Variants in SNPH observed in about 807,000 individuals in gnomAD.
The protein encoded by SNPH is syntaphilin.
Under a neutral mutation model 36.8 loss-of-function variants are expected in SNPH, and 10 were observed. That is an observed-to-expected ratio of 0.27 (90% confidence interval 0.17 to 0.46). SNPH has a LOEUF of 0.46. Ranked by LOEUF, SNPH falls within the 20% of genes least tolerant of loss-of-function variation. The pLI is 1.00. For missense variants in SNPH, 622 were observed against 744.0 expected, an observed-to-expected ratio of 0.84 and a Z score of 1.91; for synonymous variants, 281 against 312.2, an observed-to-expected ratio of 0.90 and a Z score of 1.05.
At position 1,296,437 on chromosome 20, in the gene SNPH, G is replaced by A. The variant is rs775005110; in HGVS notation, c.182+16G>A. 21 of 1,583,436 alleles carry A rather than the reference G, an allele frequency of 1.3e-5. 1 individual carries two copies. Among genetic ancestry groups the A allele is most frequent in the African/African-American group, 4.1e-5 (3 of 72,720 alleles). On this transcript the variant is annotated intron_variant, in intron 4 of 6. Coordinates refer to ENST00000381867, the MANE Select transcript of SNPH (RefSeq NM_001318234.2). Reference sequence around the variant, plus strand: ...GATCACGCAGGTGAGTCTCCCCCTCGCTCACAGCCTAGGCTTCGGAGGGCG... The same window carrying A: ...GATCACGCAGGTGAGTCTCCCCCTCACTCACAGCCTAGGCTTCGGAGGGCG...
In SNPH at chr20:1,266,378, A is replaced by C; in HGVS notation, c.-619A>C. The C allele has an allele frequency of 5.8e-6, 2 of 343,618 alleles. No individual in the cohort carries two copies. Among genetic ancestry groups the C allele is most frequent in the Non-Finnish European group, 1.0e-5 (2 of 191,572 alleles). 21.3% of individuals were successfully genotyped at this position (343,618 alleles called of 1,614,324 possible). ...TCGGCGGCCCCTGCAGGGCAGCTGA[A>C]GCCATGGAAGCCTCCGCAGGTGATG... is the stretch of plus-strand genomic sequence containing the variant. On this transcript the variant is annotated 5_prime_UTR_variant, in exon 1 of 7. Transcript: ENST00000381867. The surrounding 1 kb of genome is among the most constrained non-coding windows in gnomAD (Gnocchi z 6.0).
intron 2 of SNPH, among the ~76,000 whole-genome samples, chr20:1,279,574 A>T (rs2088190359): frequency 6.7e-6 from 1 of 150,128 alleles, no homozygotes; most frequent in South Asian, 2.1e-4. Flanking sequence ...AGTGAGTGAG[A>T]GAGACACTGA....
chr20:1,287,724 A>T (rs1301293858), intron 2 of SNPH, among the ~76,000 whole-genome samples: 1 of 152,200 alleles, frequency 6.6e-6, no homozygotes, highest in African/African-American at 2.4e-5. Flanking sequence ...ATCTGGAAAA[A>T]ATGAGAATTT....
chr20:1,277,729 T>A (rs1229292101), intron 2 of SNPH, among the ~76,000 whole-genome samples: 1 of 148,904 alleles, frequency 6.7e-6, no homozygotes, highest in Non-Finnish European at 1.5e-5. Context: ...TGTGTGTGTA[T>A]CTGTGTGTGT....
rs1007904826 is a variant in SNPH at position 1,266,730 on chromosome 20, C to T, written c.-523C>T. 2 of 1,404,690 alleles carry T rather than the reference C, an allele frequency of 1.4e-6. No individual in the cohort carries two copies. The highest frequency in any genetic ancestry group is 1.5e-5 in the African/African-American group (1 of 65,750). 87.0% of individuals were successfully genotyped at this position (1,404,690 alleles called of 1,614,324 possible). ...CAAGCCGGGCCGGAGTGGTGCGAGC[C>T]GGCGGGGCTGCGGAGGGCCAGTGGA... On this transcript the variant is annotated 5_prime_UTR_variant, in exon 2 of 7. Coordinates refer to ENST00000381867, the MANE Select transcript of SNPH (RefSeq NM_001318234.2). The surrounding 1 kb of genome is among the most constrained non-coding windows in gnomAD (Gnocchi z 6.0).
Position 1,297,195 on chromosome 20 carries a change from T to C in SNPH, c.233T>C (p.Leu78Pro). 3.1e-6 allele frequency: 5 copies of C among 1,613,838 alleles called. No homozygotes were observed. The highest frequency in any genetic ancestry group is 4.2e-6 in the Non-Finnish European group (5 of 1,179,950). The change falls in exon 5 of 7, where the codon CTC becomes CCC. Residue 78 changes from leucine (L) to proline (P), a missense_variant. Physicochemically the swap from Leu to Pro is moderately conservative, Grantham distance 98. Coordinates refer to ENST00000381867, the MANE Select transcript of SNPH (RefSeq NM_001318234.2). ...CGGGATGCCTACGGCACCTCTTCGC[T>C]CAGCAGCAGCAGCAATTCTGGCTCC... ...SVRDAYGTSS[L>P]SSSSNSGSYK...
rs376198599 is a variant in SNPH at position 1,275,936 on chromosome 20, C to A, written c.-493+9176C>A. Among the ~76,000 whole-genome samples the A allele has an allele frequency of 1.3e-4, 20 of 152,212 alleles. No homozygotes were observed. The East Asian group carries it at 3.7e-3, about 28-fold the overall frequency. ...TGAAATTTTCTTCCTACTACTACTG[C>A]TATCTCCTCATGTTCAGATCTGTCT... On this transcript the variant is annotated intron_variant, in intron 2 of 6. Transcript: ENST00000381867.
At chr20:1,287,618 G>A in intron 2 of SNPH, among the ~76,000 whole-genome samples, 1 of 152,286 alleles carries the variant, frequency 6.6e-6, no homozygotes, top group Admixed American at 6.5e-5. Flanking sequence ...TTCTGATTCT[G>A]AGAGTGTGTT....
At position 1,287,106 on chromosome 20, in the gene SNPH, T is replaced by G. The variant is rs906978566; in HGVS notation, c.-492-7845T>G. Among the ~76,000 whole-genome samples the G allele has an allele frequency of 1.2e-4, 18 of 152,122 alleles. No individual in the cohort carries two copies. The East Asian group carries it at 3.5e-3, about 29-fold the overall frequency. The stretch of plus-strand genomic sequence containing the variant: ...CATTCCTTTTAGGGAGATCTTTATT[T>G]CTCCCAAAGAACCAATTTTCTTCCT... On this transcript the variant is annotated intron_variant, in intron 2 of 6. Coordinates refer to ENST00000381867, the MANE Select transcript of SNPH (RefSeq NM_001318234.2).
intron 2 of SNPH, among the ~76,000 whole-genome samples, chr20:1,268,676 C>T (rs757754890): frequency 4.0e-5 from 6 of 150,672 alleles, no homozygotes; most frequent in Admixed American, 3.3e-4. Flanking sequence ...CTATCTCCAG[C>T]CTCTGGCCCA....
chr20:1,284,015 G>A (rs745875614), intron 2 of SNPH, among the ~76,000 whole-genome samples: 29 of 152,174 alleles, frequency 1.9e-4, no homozygotes, highest in Non-Finnish European at 7.3e-5. Context: ...CGTTGTCATG[G>A]CAGTGATTAA....
chr20:1,266,629 C>A lies in SNPH; in HGVS notation c.-599-25C>A. 1.3e-6 allele frequency: 2 copies of A among 1,483,594 alleles called. No individual in the cohort carries two copies. The highest frequency in any genetic ancestry group is 2.6e-5 in the South Asian group (2 of 76,408). The allele number at this position is 1,483,594 out of a possible 1,614,324, so 91.9% of individuals were successfully genotyped here. On this transcript the variant is annotated intron_variant, in intron 1 of 6. Transcript: ENST00000381867. The surrounding 1 kb of genome is among the most constrained non-coding windows in gnomAD (Gnocchi z 6.0). ...CCCGCCCGCGCTCACCCGCCCCGGT[C>A]TATCTCTTTTTCCTAACCCCGCAGG...
intron 2 of SNPH, among the ~76,000 whole-genome samples, chr20:1,270,603 C>G (rs750744504): frequency 2.6e-5 from 4 of 152,182 alleles, no homozygotes; most frequent in Non-Finnish European, 4.4e-5. Flanking sequence ...TCCAAGCTCA[C>G]GCTGTAACAC....
chr20:1,284,508 G>A (rs11697413), intron 2 of SNPH, among the ~76,000 whole-genome samples: 6,296 of 152,304 alleles, frequency 0.041, 168 homozygotes, highest in Non-Finnish European at 0.062. Flanking sequence ...CTGTTGCTAA[G>A]GACGGTGGAG....
At chr20:1,293,244 G>A (rs2088386327) in intron 2 of SNPH, among the ~76,000 whole-genome samples, 1 of 152,220 alleles carries the variant, frequency 6.6e-6, no homozygotes, top group African/African-American at 2.4e-5. Context: ...TGTCGGGGGG[G>A]TTAGGAAGTG....
Position 1,276,154 on chromosome 20 carries a change from T to C in SNPH, c.-493+9394T>C, listed in dbSNP as rs2088129051. 1.3e-5 allele frequency among the ~76,000 whole-genome samples: 2 copies of C among 152,266 alleles called. No homozygotes were observed. The highest frequency in any genetic ancestry group is 2.4e-5 in the African/African-American group (1 of 41,562). On this transcript the variant is annotated intron_variant, in intron 2 of 6. Transcript: ENST00000381867. This position sits in a 1 kb window ranked among gnomAD's most constrained non-coding sequence, Gnocchi z 4.6. ...CCCTGGGTGGCACGCAGGGCCCAGA[T>C]TGGAGCTGTAGACCATTTGAGCCAA...
intron 2 of SNPH, among the ~76,000 whole-genome samples, chr20:1,288,419 A>T (rs1022650120): frequency 6.6e-5 from 10 of 152,036 alleles, no homozygotes; most frequent in African/African-American, 2.2e-4. Flanking sequence ...GGACGATGTG[A>T]TATGGCTCAG....
chr20:1,300,507 C>T (rs1405516104), intron 5 of SNPH, 55 bp from the exon 6 acceptor site: 9 of 1,605,716 alleles, frequency 5.6e-6, no homozygotes, highest in Non-Finnish European at 7.7e-6. Flanking sequence ...AGGTAAAGCA[C>T]CTGTGCCTTG....
At chr20:1,271,707 T>C (rs1244659943) in intron 2 of SNPH, among the ~76,000 whole-genome samples, 2 of 152,236 alleles carry the variant, frequency 1.3e-5, no homozygotes, top group African/African-American at 4.8e-5. Flanking sequence ...ACAAAAGGCA[T>C]GAACAAATGC....
Sources: gnomAD v4.1 joint callset for allele counts (sites outside exome capture counted in the v4.1 genomes callset) on GRCh38, gnomAD v4.1.1 for gene constraint, Gnocchi (gnomAD v3.1) non-coding constraint, MANE v1.5 for transcripts, NCBI Gene and HGNC (gene_info 2026-07-23, HGNC 2026-07-21) for gene names.